Variants in DCLK2 observed in about 807,000 individuals in gnomAD.
DCLK2 encodes serine/threonine-protein kinase DCLK2.
Under a neutral mutation model 78.4 loss-of-function variants are expected in DCLK2, and 31 were observed. The ratio of observed to expected loss-of-function variants is 0.40; its 90% CI spans 0.30 to 0.53. The LOEUF (loss-of-function observed/expected upper bound fraction) is 0.53. DCLK2 is among the 20% of genes least tolerant of loss of function. DCLK2 has a pLI of 0.61. For synonymous variants in DCLK2, 407 were observed against 374.9 expected, an observed-to-expected ratio of 1.09 and a Z score of -0.99; for missense variants, 872 against 973.7, an observed-to-expected ratio of 0.90 and a Z score of 1.39.
At position 150,178,529 on chromosome 4, in the gene DCLK2, GAA is replaced by G. The variant is rs11338433; in HGVS notation, c.757-14596_757-14595del. 6.1e-3 allele frequency among the ~76,000 whole-genome samples: 898 copies of G among 148,056 alleles called. 4 individuals are homozygous for G. Among genetic ancestry groups the G allele is most frequent in the African/African-American group, 0.017 (697 of 40,556 alleles). On this transcript the variant is annotated intron_variant, in intron 2 of 15. Transcript: ENST00000296550. The stretch of plus-strand genomic sequence containing the variant: ...CATCTACTAAGAAGGCTGCTCTAGG[GAA>G]AAAAAAAAAAAATCTTATTGCTTTT...
intron 2 of DCLK2, among the ~76,000 whole-genome samples, chr4:150,150,664 T>G (rs548783473): frequency 2.0e-5 from 3 of 152,338 alleles, no homozygotes; most frequent in African/African-American, 7.2e-5. Context: ...AATGCCCTCT[T>G]GCAGAGTAAT....
intron 2 of DCLK2, among the ~76,000 whole-genome samples, chr4:150,132,783 G>A (rs547772112): frequency 5.9e-5 from 9 of 152,200 alleles, no homozygotes; most frequent in East Asian, 1.9e-4. Context: ...TATAGAGACC[G>A]TACCTGGCTA....
rs1744552128 is a variant in DCLK2, at chr4:150,256,189, C to CTG, written c.2244_2245insGT (p.Pro749ValfsTer152). On this transcript the variant is annotated frameshift_variant, in exon 16 of 16. Coordinates refer to ENST00000296550, the MANE Select transcript of DCLK2 (RefSeq NM_001040260.4). LOFTEE classifies it high-confidence loss of function. The stretch of plus-strand genomic sequence containing the variant: ...CCTCCGGAATCTCCCACCCCCCACC[C>CTG]TCCTCCCGCTGCCCCGGGTGGTGAG... 2.0e-5 allele frequency: 31 copies of CTG among 1,540,584 alleles called. No homozygotes were observed. The highest frequency in any genetic ancestry group is 6.0e-5 in the Admixed American group (3 of 50,020).
At chr4:150,134,746 C>A (rs998681512) in intron 2 of DCLK2, among the ~76,000 whole-genome samples, 3 of 152,274 alleles carry the variant, frequency 2.0e-5, no homozygotes, top group African/African-American at 7.2e-5. Flanking sequence ...ATCCTGTTTT[C>A]TGCAGCCTGG....
chr4:150,211,205 T>A (rs1418056253), intron 5 of DCLK2, among the ~76,000 whole-genome samples: 2 of 152,124 alleles, frequency 1.3e-5, no homozygotes, highest in African/African-American at 4.8e-5. Flanking sequence ...GGCAAGCTGG[T>A]GCTGGCTGTT....
At chr4:150,105,488 G>T (rs1285030753) in intron 2 of DCLK2, among the ~76,000 whole-genome samples, 1 of 152,064 alleles carries the variant, frequency 6.6e-6, no homozygotes, top group Non-Finnish European at 1.5e-5. Context: ...CAGTGTTTTT[G>T]AATATGCAGT....
In DCLK2 at chr4:150,078,870, C is replaced by T. The variant is rs904129479; in HGVS notation, c.-158C>T. On this transcript the variant is annotated 5_prime_UTR_variant, in exon 1 of 16. Transcript: ENST00000296550. ...TGAGGGCGCGGGCGGGTCGGCTCCT[C>T]CGCGGCTCCTCGGCCCCACCTGCGC... 19 of 980,370 alleles carry T rather than the reference C, an allele frequency of 1.9e-5. No homozygotes were observed. In the African/African-American group the frequency reaches 3.1e-4, roughly 16 times the overall value. The allele number at this position is 980,370 out of a possible 1,614,324, so 60.7% of individuals were successfully genotyped here.
In DCLK2 at chr4:150,078,826, CGCTGCGGACACTTTTA is replaced by C; in HGVS notation, c.-197_-182del. The C allele has an allele frequency of 1.7e-6, 1 of 574,918 alleles. No homozygotes were observed. The highest frequency in any genetic ancestry group is 2.8e-6 in the Non-Finnish European group (1 of 355,600). 35.6% of individuals were successfully genotyped at this position (574,918 alleles called of 1,614,324 possible). ...CTGGACAATGACCTGGGCAGCTCGG[CGCTGCGGACACTTTTA>C]GCTGAGGGCGCGGGCGGGTCGGCTC... On this transcript the variant is annotated 5_prime_UTR_variant, in exon 1 of 16. The change creates a premature stop within an existing upstream ORF in the 5' untranslated region. Coordinates refer to ENST00000296550, the MANE Select transcript of DCLK2 (RefSeq NM_001040260.4).
chr4:150,133,890 T>G (rs996798448), intron 2 of DCLK2, among the ~76,000 whole-genome samples: 1 of 152,038 alleles, frequency 6.6e-6, no homozygotes, highest in Non-Finnish European at 1.5e-5. Flanking sequence ...GGTTCTAAGG[T>G]CTTTGCATGC....
At chr4:150,175,509 C>G (rs9884665) in intron 2 of DCLK2, 23,096 of 151,742 alleles carry the variant, frequency 0.15, 2,175 homozygotes, top group Non-Finnish European at 0.22. Context: ...TTGGGACTCA[C>G]GACAGACTAA....
intron 2 of DCLK2, among the ~76,000 whole-genome samples, chr4:150,125,909 A>C (rs1047160224): frequency 1.4e-4 from 21 of 152,174 alleles, no homozygotes; most frequent in African/African-American, 4.8e-4. Flanking sequence ...ACCACAAAAA[A>C]CCCACAATAA....
At chr4:150,125,797 A>G (rs1253488333) in intron 2 of DCLK2, among the ~76,000 whole-genome samples, 1 of 152,088 alleles carries the variant, frequency 6.6e-6, no homozygotes, top group Non-Finnish European at 1.5e-5. Flanking sequence ...AGGCTGAGGC[A>G]GAAGACTCAC....
At chr4:150,135,574 G>A (rs1395404660) in intron 2 of DCLK2, among the ~76,000 whole-genome samples, 1 of 152,178 alleles carries the variant, frequency 6.6e-6, no homozygotes, top group East Asian at 1.9e-4. Context: ...TGTGAAAGAG[G>A]AAGTGCAGGA....
At chr4:150,122,686 A>G (rs1732639880) in intron 2 of DCLK2, among the ~76,000 whole-genome samples, 1 of 152,176 alleles carries the variant, frequency 6.6e-6, no homozygotes, top group Admixed American at 6.5e-5. Flanking sequence ...AAACCACCAT[A>G]GCACGTGTAT....
intron 1 of DCLK2, among the ~76,000 whole-genome samples, chr4:150,082,825 T>A (rs1204359747): frequency 2.6e-5 from 4 of 152,328 alleles, no homozygotes; most frequent in African/African-American, 9.6e-5. Flanking sequence ...TTCTGTTCCG[T>A]GTGTCTTCTC....
At chr4:150,244,754 C>T (rs1002006) in intron 12 of DCLK2, among the ~76,000 whole-genome samples, 12,477 of 152,218 alleles carry the variant, frequency 0.082, 824 homozygotes, top group South Asian at 0.22. Context: ...GGGGCAGGCC[C>T]CAACTGTCAA....
intron 5 of DCLK2, among the ~76,000 whole-genome samples, chr4:150,213,241 T>A (rs1042671731): frequency 6.6e-6 from 1 of 152,226 alleles, no homozygotes; most frequent in Non-Finnish European, 1.5e-5. Context: ...GAGATGGCTG[T>A]TGTTTTAAGC....
rs373658876 is a variant in DCLK2, at chr4:150,256,381, G to T, written c.*134G>T. ...TGAGTTCGCGGGTCCTCCGCAGGCC[G>T]CCTGGGAACCGGAGCCTGGCGTGCC... On this transcript the variant is annotated 3_prime_UTR_variant, in exon 16 of 16. Coordinates refer to ENST00000296550, the MANE Select transcript of DCLK2 (RefSeq NM_001040260.4). 8.0e-6 allele frequency: 10 copies of T among 1,255,540 alleles called. No homozygotes were observed. In the Admixed American group the frequency reaches 8.9e-5, roughly 11 times the overall value. 77.8% of individuals were successfully genotyped at this position (1,255,540 alleles called of 1,614,324 possible). A position where few individuals can be genotyped will look rare whatever the true frequency, so the allele number is the denominator to read the frequency against.
chr4:150,109,868 T>G (rs1388917027), intron 2 of DCLK2, among the ~76,000 whole-genome samples: 1 of 152,138 alleles, frequency 6.6e-6, no homozygotes, highest in Non-Finnish European at 1.5e-5. Context: ...TGATCTAAGG[T>G]GACTTACCTT....
Sources: allele counts gnomAD v4.1 joint callset (sites outside exome capture counted in the v4.1 genomes callset), GRCh38; gene constraint gnomAD v4.1.1; transcripts MANE v1.5; gene names NCBI Gene and HGNC (gene_info 2026-07-23, HGNC 2026-07-21).